BAZ2B: variants seen among roughly 807,000 people sequenced by gnomAD.
BAZ2B encodes bromodomain adjacent to zinc finger domain protein 2B.
A neutral mutation model predicts 246.0 loss-of-function variants in BAZ2B; 91 were observed. The ratio of observed to expected loss-of-function variants is 0.37; its 90% CI spans 0.31 to 0.44. BAZ2B has a LOEUF of 0.44. BAZ2B is among the 20% of genes least tolerant of loss of function. BAZ2B has a pLI of 1.00. For missense variants in BAZ2B, 2,332 were observed against 2,533.7 expected, an observed-to-expected ratio of 0.92 and a Z score of 1.71; for synonymous variants, 855 against 860.0, an observed-to-expected ratio of 0.99 and a Z score of 0.10.
chr2:159,659,364 C>T, the BAZ2B span, among the ~76,000 whole-genome samples: 2 of 152,190 alleles, frequency 1.3e-5, no homozygotes, highest in East Asian at 3.9e-4. Context: ...ATTTAGTGTC[C>T]TTTGTCTTTT....
chr2:159,630,829 C>T, the BAZ2B span, among the ~76,000 whole-genome samples: 1 of 150,742 alleles, frequency 6.6e-6, no homozygotes, highest in Non-Finnish European at 1.5e-5. Context: ...CCACCGCGCC[C>T]GGCCAGACTA....
At chr2:159,596,056 TA>T (rs1690626835) in intron 1 of BAZ2B, among the ~76,000 whole-genome samples, 2 of 152,228 alleles carry the variant, frequency 1.3e-5, no homozygotes, top group African/African-American at 4.8e-5. Context: ...TAACAGACTA[TA>T]CCAGGAGCAA....
chr2:159,475,368 AC>A (rs2078393233), intron 3 of BAZ2B, among the ~76,000 whole-genome samples: 1 of 152,096 alleles, frequency 6.6e-6, no homozygotes, highest in African/African-American at 2.4e-5. Flanking sequence ...TGTATGTTTC[AC>A]AAAGTTCTCA....
the BAZ2B span, among the ~76,000 whole-genome samples, chr2:159,675,347 T>C: frequency 0.46 from 69,362 of 151,634 alleles, 16,709 homozygotes; most frequent in Middle Eastern, 0.64. Context: ...GCCCATTAAC[T>C]GTAAAAATCC....
chr2:159,458,527 G>T (rs370042124), intron 3 of BAZ2B: 7 of 149,902 alleles, frequency 4.7e-5, no homozygotes, highest in South Asian at 2.1e-4. Flanking sequence ...GGGTTTCACC[G>T]TGTTAGCCAG....
At chr2:159,704,165 G>A in the BAZ2B span, among the ~76,000 whole-genome samples, 1 of 152,072 alleles carries the variant, frequency 6.6e-6, no homozygotes, top group East Asian at 1.9e-4. Flanking sequence ...TAAAAAATAC[G>A]GTTATTTGAG....
At chr2:159,488,570 T>G (rs2080099538) in intron 2 of BAZ2B, among the ~76,000 whole-genome samples, 1 of 152,106 alleles carries the variant, frequency 6.6e-6, no homozygotes, top group Admixed American at 6.6e-5. Flanking sequence ...TTAACGATGG[T>G]TCTCAGAATG....
the BAZ2B span, among the ~76,000 whole-genome samples, chr2:159,653,721 A>G: frequency 4.6e-5 from 7 of 152,204 alleles, no homozygotes; most frequent in African/African-American, 1.4e-4. Flanking sequence ...TAAAATCTAG[A>G]TATGCTGACT....
chr2:159,468,764 G>T (rs966340123), intron 3 of BAZ2B, among the ~76,000 whole-genome samples: 1 of 152,152 alleles, frequency 6.6e-6, no homozygotes, highest in African/African-American at 2.4e-5. Flanking sequence ...GTAGGAAAAG[G>T]CCTTGTGCGG....
At chr2:159,704,993 G>A in the BAZ2B span, among the ~76,000 whole-genome samples, 1 of 151,592 alleles carries the variant, frequency 6.6e-6, no homozygotes, top group Non-Finnish European at 1.5e-5. Flanking sequence ...ACCACGCCCA[G>A]CCTCGTCTGG....
chr2:159,697,729 A>G, the BAZ2B span, among the ~76,000 whole-genome samples: 1 of 152,142 alleles, frequency 6.6e-6, no homozygotes, highest in Non-Finnish European at 1.5e-5. Context: ...TTAAATATAA[A>G]TATCTTATAT....
intron 31 of BAZ2B, among the ~76,000 whole-genome samples, chr2:159,342,342 A>G (rs1434259410): frequency 6.6e-6 from 1 of 152,206 alleles, no homozygotes; most frequent in Non-Finnish European, 1.5e-5. Context: ...TATAGAACCA[A>G]AAGAGAGCCC....
intron 1 of BAZ2B, among the ~76,000 whole-genome samples, chr2:159,614,425 T>C (rs758747539): frequency 1.3e-5 from 2 of 152,164 alleles, no homozygotes; most frequent in Non-Finnish European, 2.9e-5. Flanking sequence ...GTATTTTCCA[T>C]AGTCATTTCT....
chr2:159,384,952 C>A (rs895987034), intron 23 of BAZ2B, among the ~76,000 whole-genome samples: 1 of 151,956 alleles, frequency 6.6e-6, no homozygotes, highest in East Asian at 1.9e-4. Flanking sequence ...ACAGTATAAT[C>A]CAAATTTTTT....
At position 159,584,539 on chromosome 2, in the gene BAZ2B, T is replaced by C. The variant is rs187354197; in HGVS notation, c.-45-28674A>G. Among the ~76,000 whole-genome samples the C allele has an allele frequency of 1.1e-4, 16 of 152,286 alleles. No individual in the cohort carries two copies. The East Asian group carries it at 2.7e-3, about 26-fold the overall frequency. On this transcript the variant is annotated intron_variant, in intron 1 of 36. Transcript: ENST00000392783. Reference sequence around the variant, plus strand: ...CAAGAAATGATTGTAACCTGGGCCATAGAACAGTGAAGGTGATGAAAAGTG... The same window carrying C: ...CAAGAAATGATTGTAACCTGGGCCACAGAACAGTGAAGGTGATGAAAAGTG...
At chr2:159,391,714 G>A (rs112828450) in intron 20 of BAZ2B, among the ~76,000 whole-genome samples, 217 of 152,188 alleles carry the variant, frequency 1.4e-3, no homozygotes, top group African/African-American at 5.1e-3. Flanking sequence ...ATTTTAGCTG[G>A]TGACATGCAA....
the BAZ2B span, among the ~76,000 whole-genome samples, chr2:159,656,364 G>A: frequency 6.6e-6 from 1 of 151,988 alleles, no homozygotes; most frequent in Non-Finnish European, 1.5e-5. Flanking sequence ...GATTACATTG[G>A]GGGTATGTTT....
the BAZ2B span, among the ~76,000 whole-genome samples, chr2:159,698,853 T>C: frequency 6.6e-6 from 1 of 152,236 alleles, no homozygotes. Context: ...CATAATTGAA[T>C]AGTAACTTGA....
chr2:159,437,049 G>C (rs1210526854), intron 8 of BAZ2B, among the ~76,000 whole-genome samples: 1 of 152,150 alleles, frequency 6.6e-6, no homozygotes, highest in Non-Finnish European at 1.5e-5. Flanking sequence ...GATAATATTA[G>C]TAGCACTCAT....
Sources: gnomAD v4.1 joint callset for allele counts (sites outside exome capture counted in the v4.1 genomes callset) on GRCh38, gnomAD v4.1.1 for gene constraint, MANE v1.5 for transcripts, NCBI Gene and HGNC (gene_info 2026-07-23, HGNC 2026-07-21) for gene names.